Variants in AHRR observed in about 807,000 individuals in gnomAD.
The protein encoded by AHRR is ahR repressor.
A neutral mutation model predicts 44.0 loss-of-function variants in AHRR; 28 were observed. That is an observed-to-expected ratio of 0.64 (90% CI 0.47 to 0.87). The LOEUF is 0.87. Among genes scored for constraint, AHRR ranks in the 40% least tolerant of loss-of-function variants. The pLI is 0.00. For missense variants in AHRR, 990 were observed against 953.9 expected (o/e 1.04, Z -0.50); for synonymous variants, 434 against 407.0 (o/e 1.07, Z -0.80).
intron 5 of AHRR, among the ~76,000 whole-genome samples, chr5:416,713 G>A (rs183138861): frequency 1.1e-4 from 16 of 152,334 alleles, no homozygotes; most frequent in Admixed American, 5.2e-4. Context: ...CGTTGGGTCC[G>A]TAGGCGTTTG....
At chr5:364,298 G>T (rs1410762608) in intron 3 of AHRR, among the ~76,000 whole-genome samples, 2 of 152,056 alleles carry the variant, frequency 1.3e-5, no homozygotes, top group African/African-American at 4.8e-5. Context: ...AGATGCAAGG[G>T]GGAATGAAAA....
intron 5 of AHRR, among the ~76,000 whole-genome samples, chr5:415,883 C>T (rs1054637779): frequency 9.2e-5 from 14 of 152,140 alleles, no homozygotes; most frequent in South Asian, 2.1e-4. Flanking sequence ...TTTTTTCCCA[C>T]AGCTGAAATT....
At chr5:418,047 G>A (rs534516111) in intron 5 of AHRR, among the ~76,000 whole-genome samples, 2 of 152,186 alleles carry the variant, frequency 1.3e-5, no homozygotes, top group Admixed American at 6.5e-5. Context: ...AGAGCTCGTC[G>A]ATCAGAGCAG....
chr5:403,352 T>G (rs1451502650), intron 4 of AHRR, among the ~76,000 whole-genome samples: 1 of 152,156 alleles, frequency 6.6e-6, no homozygotes, highest in East Asian at 1.9e-4. Context: ...ATTTAACCAC[T>G]TAGGTCGGGT....
chr5:336,970 G>T (rs75641725), intron 1 of AHRR, among the ~76,000 whole-genome samples: 14,405 of 152,076 alleles, frequency 0.095, 971 homozygotes, highest in Non-Finnish European at 0.13. Context: ...TGAAGAGATT[G>T]TTCTTTCCCT....
At position 405,437 on chromosome 5, in the gene AHRR, G is replaced by A. The variant is rs1345327343; in HGVS notation, c.352-7907G>A. ...TGGCCTATTTTGTCACCGTGGAGCA[G>A]CCTATGGTGTTGCCCGCTGTTTTGT... On this transcript the variant is annotated intron_variant, in intron 4 of 10. Transcript: ENST00000684583. The surrounding 1 kb of genome is among the most constrained non-coding windows in gnomAD (Gnocchi z 4.5). 6.6e-6 allele frequency among the ~76,000 whole-genome samples: 1 copy of A among 152,202 alleles called. No homozygotes were observed. Among genetic ancestry groups the A allele is most frequent in the East Asian group, 1.9e-4 (1 of 5,200 alleles).
chr5:365,054 T>C (rs1358257320), intron 3 of AHRR, among the ~76,000 whole-genome samples: 1 of 152,074 alleles, frequency 6.6e-6, no homozygotes, highest in African/African-American at 2.4e-5. Flanking sequence ...GAGAGAAATA[T>C]TTTAAATACT....
At position 366,292 on chromosome 5, in the gene AHRR, C is replaced by T. The variant is rs112238443; in HGVS notation, c.245-10318C>T. Among the ~76,000 whole-genome samples the T allele has an allele frequency of 3.0e-3, 451 of 152,222 alleles. 3 individuals are homozygous for T. The highest frequency in any genetic ancestry group is 0.01 in the African/African-American group (419 of 41,526). ...AGGCAGTGGTCACCAGGGATGAAGACGTGTCACAGGACACAGAAGCCGTCT... is the reference window on the plus strand; with the variant it reads ...AGGCAGTGGTCACCAGGGATGAAGATGTGTCACAGGACACAGAAGCCGTCT... On this transcript the variant is annotated intron_variant, in intron 3 of 10. Coordinates refer to ENST00000684583, the MANE Select transcript of AHRR (RefSeq NM_001377236.1).
chr5:364,970 CCATAA>C (rs1210565725), intron 3 of AHRR, among the ~76,000 whole-genome samples: 1 of 151,866 alleles, frequency 6.6e-6, no homozygotes, highest in Non-Finnish European at 1.5e-5. Context: ...TTTATTCTTT[CCATAA>C]CATAATTTCA....
chr5:401,437 G>C (rs890271237), intron 4 of AHRR, among the ~76,000 whole-genome samples: 3 of 152,206 alleles, frequency 2.0e-5, no homozygotes, highest in Non-Finnish European at 4.4e-5. Context: ...ATTGGCCCAT[G>C]GTCCCTCCAT....
rs756074611 is a variant in AHRR at position 343,876 on chromosome 5, G to GC, written c.-10-12dup. ...ACGTGGCGCGTTCCGGTGACCGGGT[G>GC]CCCCCTTGTCTTCCAGGCCGAGGAC... On this transcript the variant is annotated splice_polypyrimidine_tract_variant and intron_variant, in intron 1 of 10. Coordinates refer to ENST00000684583, the MANE Select transcript of AHRR (RefSeq NM_001377236.1). The GC allele has an allele frequency of 6.3e-7, 1 of 1,592,290 alleles. No homozygotes were observed.
At chr5:414,346 TG>T (rs926389117) in intron 5 of AHRR, among the ~76,000 whole-genome samples, 1 of 152,058 alleles carries the variant, frequency 6.6e-6, no homozygotes, top group Non-Finnish European at 1.5e-5. Flanking sequence ...GGGGAGGAGC[TG>T]GGGTCCCTCA....
chr5:347,320 TTACATATA>T (rs1167767655), intron 2 of AHRR, among the ~76,000 whole-genome samples: 1 of 152,232 alleles, frequency 6.6e-6, no homozygotes, highest in East Asian at 1.9e-4. Context: ...AGTTTTGATT[TTACATATA>T]GTGTTCTTTG....
chr5:378,462 G>A (rs763263726), intron 4 of AHRR, among the ~76,000 whole-genome samples: 2 of 152,232 alleles, frequency 1.3e-5, no homozygotes, highest in Non-Finnish European at 2.9e-5. Context: ...AGAGGCTTTA[G>A]TAATGATCTA....
chr5:366,443 T>TA (rs1463070966), intron 3 of AHRR, among the ~76,000 whole-genome samples: 2 of 151,366 alleles, frequency 1.3e-5, no homozygotes, highest in African/African-American at 4.9e-5. Context: ...AATGAATGAA[T>TA]AAGTAAATAA....
chr5:398,929 C>T (rs763411091), intron 4 of AHRR, among the ~76,000 whole-genome samples: 4 of 152,212 alleles, frequency 2.6e-5, no homozygotes, highest in Non-Finnish European at 5.9e-5. Flanking sequence ...ACCCCCCTGC[C>T]AACATGCCCA....
At chr5:336,560 T>C (rs190391432) in intron 1 of AHRR, among the ~76,000 whole-genome samples, 86 of 152,376 alleles carry the variant, frequency 5.6e-4, no homozygotes, top group African/African-American at 1.9e-3. Flanking sequence ...TCAGATAACA[T>C]GATTTGTAAA....
chr5:402,361 G>T (rs1355439743), intron 4 of AHRR, among the ~76,000 whole-genome samples: 3 of 150,626 alleles, frequency 2.0e-5, no homozygotes, highest in Non-Finnish European at 4.4e-5. Flanking sequence ...GTTGATGAGG[G>T]TGTGGAGAGA....
chr5:330,906 G>C (rs1235956567), intron 1 of AHRR, among the ~76,000 whole-genome samples: 4 of 135,562 alleles, frequency 3.0e-5, no homozygotes, highest in African/African-American at 1.1e-4. Flanking sequence ...CAGAGTCTCG[G>C]TCTGTCACCC....
Sources: allele counts gnomAD v4.1 joint callset (sites outside exome capture counted in the v4.1 genomes callset), GRCh38; gene constraint gnomAD v4.1.1; non-coding constraint Gnocchi (gnomAD v3.1); transcripts MANE v1.5; gene names NCBI Gene and HGNC (gene_info 2026-07-23, HGNC 2026-07-21).